The following CIRSR variants were observed in gnomAD, a reference collection of about 807,000 sequenced individuals.
CIRSR encodes corepressor of RBPJ and splicing regulator.
chr2:174,357,126 T>C, the CIRSR span, among the ~76,000 whole-genome samples: 1 of 152,218 alleles, frequency 6.6e-6, no homozygotes, highest in Non-Finnish European at 1.5e-5. Flanking sequence ...TCTTTTAATC[T>C]AAAACATTTA....
chr2:174,390,783 T>C, the CIRSR span, among the ~76,000 whole-genome samples: 2 of 152,172 alleles, frequency 1.3e-5, no homozygotes, highest in African/African-American at 4.8e-5. Context: ...CTCAGGAAAT[T>C]TGATGGATAA....
the CIRSR span, among the ~76,000 whole-genome samples, chr2:174,382,472 C>A: frequency 6.6e-6 from 1 of 152,124 alleles, no homozygotes; most frequent in African/African-American, 2.4e-5. Context: ...AACCCCGTCT[C>A]TACCAAAAAT....
At chr2:174,353,103 ATTCATATTGCGAAGAACAACTG>A in the CIRSR span, among the ~76,000 whole-genome samples, 33 of 152,214 alleles carry the variant, frequency 2.2e-4, no homozygotes, top group Non-Finnish European at 4.1e-4. Context: ...TTACCATTCC[ATTCATATTGCGAAGAACAACTG>A]TAAGTTTGCC....
At chr2:174,367,011 C>A in the CIRSR span, among the ~76,000 whole-genome samples, 109,158 of 152,092 alleles carry the variant, frequency 0.72, 39,511 homozygotes, top group South Asian at 0.84. Context: ...GCTCAATTAA[C>A]ACCAGAGAAA....
the CIRSR span, among the ~76,000 whole-genome samples, chr2:174,372,514 TA>T: frequency 2.6e-5 from 4 of 152,268 alleles, no homozygotes; most frequent in Non-Finnish European, 4.4e-5. Context: ...GAAATCTTCA[TA>T]TCATTTAATG....
the CIRSR span, chr2:174,387,295 C>T: frequency 6.2e-6 from 1 of 161,736 alleles, no homozygotes; most frequent in African/African-American, 2.4e-5. Flanking sequence ...CAGCTTTTAA[C>T]AGAACAATGA....
At chr2:174,359,371 A>C in the CIRSR span, among the ~76,000 whole-genome samples, 1 of 152,136 alleles carries the variant, frequency 6.6e-6, no homozygotes, top group Non-Finnish European at 1.5e-5. Context: ...AAATCCATAA[A>C]CAGTGATTAC....
At chr2:174,378,179 C>T in the CIRSR span, among the ~76,000 whole-genome samples, 1 of 152,106 alleles carries the variant, frequency 6.6e-6, no homozygotes, top group Non-Finnish European at 1.5e-5. Context: ...AAAAGGTTCT[C>T]TAGCTGCTTT....
chr2:174,365,930 T>C, the CIRSR span, among the ~76,000 whole-genome samples: 2 of 152,112 alleles, frequency 1.3e-5, no homozygotes, highest in Non-Finnish European at 2.9e-5. Context: ...AGACTGGGAA[T>C]CTAAAATACT....
chr2:174,360,074 G>A, the CIRSR span, among the ~76,000 whole-genome samples: 1 of 152,214 alleles, frequency 6.6e-6, no homozygotes, highest in East Asian at 1.9e-4. Context: ...GTGGGGGAAT[G>A]GGGGAGGGAT....
At chr2:174,362,742 C>T in the CIRSR span, among the ~76,000 whole-genome samples, 28 of 146,920 alleles carry the variant, frequency 1.9e-4, no homozygotes, top group South Asian at 1.8e-3. Flanking sequence ...GAATTGAGGT[C>T]GCAGGGCAAA....
At chr2:174,391,029 A>G in the CIRSR span, among the ~76,000 whole-genome samples, 3 of 152,236 alleles carry the variant, frequency 2.0e-5, no homozygotes, top group Non-Finnish European at 2.9e-5. Context: ...AATATGGATC[A>G]GTAAACAAAC....
chr2:174,367,317 C>T, the CIRSR span, among the ~76,000 whole-genome samples: 2 of 152,114 alleles, frequency 1.3e-5, no homozygotes, highest in Non-Finnish European at 2.9e-5. Context: ...CGGTGGCTAA[C>T]GCCTGTATTC....
chr2:174,350,785 C>G, the CIRSR span: 4 of 1,414,298 alleles, frequency 2.8e-6, no homozygotes, highest in Non-Finnish European at 2.9e-6. Context: ...TAGATTTCAA[C>G]ACAAGGTAGT....
the CIRSR span, among the ~76,000 whole-genome samples, chr2:174,383,718 T>TC: frequency 2.0e-5 from 1 of 49,288 alleles, no homozygotes; most frequent in Non-Finnish European, 4.2e-5. Flanking sequence ...AGACTCCGTC[T>TC]CAAAAAAAAA....
chr2:174,390,685 CCCGCGTA>C, the CIRSR span, among the ~76,000 whole-genome samples: 1 of 138,822 alleles, frequency 7.2e-6, no homozygotes, highest in South Asian at 2.3e-4. Flanking sequence ...TCCCATAATC[CCCGCGTA>C]TCGTGGGAGG....
the CIRSR span, among the ~76,000 whole-genome samples, chr2:174,393,690 TAA>T: frequency 2.9e-5 from 4 of 136,856 alleles, no homozygotes; most frequent in Admixed American, 7.3e-5. Flanking sequence ...CCACTTCTAT[TAA>T]AAAAAAAAAA....
chr2:174,354,421 T>C, the CIRSR span, among the ~76,000 whole-genome samples: 1 of 66,480 alleles, frequency 1.5e-5, no homozygotes, highest in East Asian at 5.5e-4. Flanking sequence ...ATATATAATA[T>C]ATATTATATG....
chr2:174,379,037 G>A, the CIRSR span: 18 of 1,603,656 alleles, frequency 1.1e-5, no homozygotes, highest in African/African-American at 2.7e-5. Context: ...CTCACATTTC[G>A]AACCTGAGAA....
Sources: gnomAD v4.1 joint callset for allele counts (sites outside exome capture counted in the v4.1 genomes callset) on GRCh38, gnomAD v4.1.1 for gene constraint, MANE v1.5 for transcripts, NCBI Gene and HGNC (gene_info 2026-07-23, HGNC 2026-07-21) for gene names.